CPQ: variants seen among roughly 807,000 people sequenced by gnomAD.
The protein encoded by CPQ is Ser-Met dipeptidase.
Under a neutral mutation model 45.7 loss-of-function variants are expected in CPQ, and 37 were observed. The ratio of observed to expected loss-of-function variants is 0.81; its 90% confidence interval spans 0.62 to 1.07. CPQ has a LOEUF of 1.07. Ranked by LOEUF, CPQ falls within the 50% of genes least tolerant of loss-of-function variation. The pLI is 0.00. For synonymous variants in CPQ, 186 were observed against 205.8 expected (o/e 0.90, Z 0.82); for missense variants, 537 against 572.9 (o/e 0.94, Z 0.64).
intron 1 of CPQ, among the ~76,000 whole-genome samples, chr8:96,701,721 G>A (rs187379101): frequency 5.3e-5 from 8 of 152,284 alleles, no homozygotes; most frequent in East Asian, 1.9e-4. Context: ...ATGTGAATGC[G>A]TTCCTTGGCA....
At chr8:97,008,525 T>C (rs1809427492) in intron 5 of CPQ, among the ~76,000 whole-genome samples, 1 of 152,154 alleles carries the variant, frequency 6.6e-6, no homozygotes, top group South Asian at 2.1e-4. Context: ...TGTTGTCACC[T>C]TCATCCATGC....
rs184037661 is a variant in CPQ, at chr8:96,985,436, A to G, written c.961+19390A>G. Among the ~76,000 whole-genome samples, 467 of 151,728 alleles carry G rather than the reference A, an allele frequency of 3.1e-3. 1 individual carries two copies. The highest frequency in any genetic ancestry group is 9.7e-3 in the African/African-American group (401 of 41,374). On this transcript the variant is annotated intron_variant, in intron 5 of 7. Transcript: ENST00000220763. ...TTCCATCTCTTCAACTTGCTTTACA[A>G]CTTTCTGTGTGATTTTCTCAGGATT...
chr8:96,835,229 G>C, intron 3 of CPQ, 49 bp downstream of exon 3: 1 of 1,358,122 alleles, frequency 7.4e-7, no homozygotes, highest in Non-Finnish European at 9.7e-7. Context: ...AGGGTTTTCC[G>C]TGAAGGAAAA....
At chr8:96,721,100 C>T (rs1283220296) in intron 1 of CPQ, among the ~76,000 whole-genome samples, 1 of 152,042 alleles carries the variant, frequency 6.6e-6, no homozygotes, top group Non-Finnish European at 1.5e-5. Context: ...CACGTACAGC[C>T]CATCTCTCAG....
chr8:96,879,696 A>G, intron 3 of CPQ, 102 bp from the exon 4 acceptor site: 1 of 769,840 alleles, frequency 1.3e-6, no homozygotes, highest in Non-Finnish European at 2.2e-6. Context: ...CCAGATGCAA[A>G]CAAAGATAAG....
chr8:96,759,256 T>G (rs1468780019), intron 1 of CPQ, among the ~76,000 whole-genome samples: 4 of 152,134 alleles, frequency 2.6e-5, no homozygotes, highest in Non-Finnish European at 4.4e-5. Flanking sequence ...CTCAAATTGT[T>G]TTCTTGTTTC....
intron 5 of CPQ, among the ~76,000 whole-genome samples, chr8:96,997,852 C>T (rs532486273): frequency 1.3e-4 from 20 of 152,070 alleles, no homozygotes; most frequent in Middle Eastern, 3.4e-3. Flanking sequence ...TGCTAAGCAA[C>T]GGACAATGAA....
chr8:97,138,072 C>T (rs1267292113), intron 7 of CPQ, among the ~76,000 whole-genome samples: 1 of 152,172 alleles, frequency 6.6e-6, no homozygotes, highest in African/African-American at 2.4e-5. Flanking sequence ...TTTGGAGCAT[C>T]TCCCTAAGGT....
intron 4 of CPQ, among the ~76,000 whole-genome samples, chr8:96,896,211 T>C (rs956722341): frequency 6.6e-6 from 1 of 152,128 alleles, no homozygotes; most frequent in Non-Finnish European, 1.5e-5. Context: ...TCTCCACCTG[T>C]CTTGCATACC....
At chr8:97,105,746 CTTTA>C (rs897046526) in intron 7 of CPQ, among the ~76,000 whole-genome samples, 11 of 152,260 alleles carry the variant, frequency 7.2e-5, no homozygotes, top group Admixed American at 5.2e-4. Context: ...GTTTTAAACT[CTTTA>C]TTTGTTATCA....
chr8:96,690,116 A>G (rs896617173), intron 1 of CPQ, among the ~76,000 whole-genome samples: 1 of 151,946 alleles, frequency 6.6e-6, no homozygotes, highest in Non-Finnish European at 1.5e-5. Flanking sequence ...TTTTTAATTT[A>G]TAGAGGTATG....
chr8:96,687,990 C>A (rs532900054), intron 1 of CPQ, among the ~76,000 whole-genome samples: 2 of 151,904 alleles, frequency 1.3e-5, no homozygotes, highest in East Asian at 3.9e-4. Flanking sequence ...TTTCCATATT[C>A]TGAAAAAAAT....
intron 4 of CPQ, among the ~76,000 whole-genome samples, chr8:96,914,198 G>A (rs975728579): frequency 9.2e-5 from 14 of 152,098 alleles, no homozygotes; most frequent in Admixed American, 7.2e-4. Context: ...GTTTTGCTTC[G>A]ATTAGTTTTG....
At chr8:96,830,706 A>G (rs1811445003) in intron 2 of CPQ, among the ~76,000 whole-genome samples, 1 of 151,850 alleles carries the variant, frequency 6.6e-6, no homozygotes, top group Non-Finnish European at 1.5e-5. Flanking sequence ...ACCCCTCCCA[A>G]CTCCCTTATT....
chr8:96,832,780 G>T (rs537961983), intron 2 of CPQ, among the ~76,000 whole-genome samples: 3 of 152,276 alleles, frequency 2.0e-5, no homozygotes, highest in African/African-American at 7.2e-5. Context: ...TGTCTGTATA[G>T]GTAGGCAGAC....
At chr8:96,696,040 C>G (rs1305991893) in intron 1 of CPQ, among the ~76,000 whole-genome samples, 3 of 151,224 alleles carry the variant, frequency 2.0e-5, no homozygotes, top group Non-Finnish European at 4.4e-5. Flanking sequence ...TGGAACCAAC[C>G]CAAATGTCCA....
chr8:96,895,864 G>A (rs73279824), intron 4 of CPQ, among the ~76,000 whole-genome samples: 8,352 of 152,158 alleles, frequency 0.055, 616 homozygotes, highest in African/African-American at 0.17. Context: ...AGCAATTATG[G>A]ACAGTTAATG....
chr8:96,904,587 C>G (rs1812552077), intron 4 of CPQ, among the ~76,000 whole-genome samples: 1 of 152,124 alleles, frequency 6.6e-6, no homozygotes, highest in Admixed American at 6.6e-5. Flanking sequence ...ATTATTTATT[C>G]TTAAACCATG....
At chr8:96,833,120 G>A (rs913952740) in intron 2 of CPQ, among the ~76,000 whole-genome samples, 2 of 152,072 alleles carry the variant, frequency 1.3e-5, no homozygotes, top group Non-Finnish European at 2.9e-5. Flanking sequence ...GGGGGATAAA[G>A]GAGACAGAGG....
Sources: gnomAD v4.1 joint callset for allele counts (sites outside exome capture counted in the v4.1 genomes callset) on GRCh38, gnomAD v4.1.1 for gene constraint, MANE v1.5 for transcripts, NCBI Gene and HGNC (gene_info 2026-07-23, HGNC 2026-07-21) for gene names.